Variants in KYAT3 observed in about 807,000 individuals in gnomAD.
KYAT3 encodes kynurenine--oxoglutarate transaminase 3.
In KYAT3, 50 loss-of-function variants were observed where a neutral mutation model predicts 59.0. The observed-to-expected ratio is 0.85, with a 90% CI of 0.68 to 1.07. The LOEUF is 1.07. Ranked by LOEUF, KYAT3 falls within the 50% of genes least tolerant of loss-of-function variation. The pLI is 0.00. For missense variants in KYAT3, 497 were observed against 533.3 expected (o/e 0.93, Z 0.67); for synonymous variants, 148 against 177.0 (o/e 0.84, Z 1.30).
intron 2 of KYAT3, chr1:88,984,201 TTGC>T: frequency 1.1e-5 from 2 of 175,906 alleles, no homozygotes; most frequent in Non-Finnish European, 2.3e-5. Context: ...CCTTTTTTTG[TTGC>T]TTTTTTTTTT....
At chr1:88,966,436 G>C (rs1676354399) in intron 4 of KYAT3, among the ~76,000 whole-genome samples, 1 of 151,988 alleles carries the variant, frequency 6.6e-6, no homozygotes, top group South Asian at 2.1e-4. Context: ...ACAGATCTTG[G>C]ATATATTTTA....
intron 2 of KYAT3, among the ~76,000 whole-genome samples, chr1:88,973,116 C>G (rs1676623843): frequency 6.6e-6 from 1 of 152,134 alleles, no homozygotes; most frequent in Non-Finnish European, 1.5e-5. Flanking sequence ...GATGAAGGCA[C>G]AGACTAAGGT....
chr1:88,941,149 C>T (rs1386587189), intron 13 of KYAT3, among the ~76,000 whole-genome samples: 2 of 152,216 alleles, frequency 1.3e-5, no homozygotes, highest in Non-Finnish European at 2.9e-5. Context: ...ACCACTATTT[C>T]TCAATCCAGT....
chr1:88,930,363 C>A, the KYAT3 span, among the ~76,000 whole-genome samples: 1 of 152,114 alleles, frequency 6.6e-6, no homozygotes. Flanking sequence ...TGTGCACTTG[C>A]GCAACTCTTA....
At position 88,961,301 on chromosome 1, in the gene KYAT3, A is replaced by C. The variant is rs766176872; in HGVS notation, c.667-14T>G. The C allele has an allele frequency of 1.9e-6, 3 of 1,613,702 alleles. No homozygotes were observed. Among genetic ancestry groups the C allele is most frequent in the Admixed American group, 1.7e-5 (1 of 60,020 alleles). On this transcript the variant is annotated splice_polypyrimidine_tract_variant and intron_variant, in intron 7 of 13. Coordinates refer to ENST00000260508, the MANE Select transcript of KYAT3 (RefSeq NM_001008661.3). ...TCTGTTATACACCTACACATAATAAAGGAAAGAGCACAGCCAATTATTCAA... is the reference window on the plus strand; with the variant it reads ...TCTGTTATACACCTACACATAATAACGGAAAGAGCACAGCCAATTATTCAA...
At chr1:88,964,711 T>C in intron 5 of KYAT3, 118 bp downstream of exon 5, 2 of 814,446 alleles carry the variant, frequency 2.5e-6, no homozygotes, top group South Asian at 3.2e-5. Context: ...ACATGCATTA[T>C]ACTTAAAACA....
downstream of KYAT3, among the ~76,000 whole-genome samples, chr1:88,931,365 C>G (rs1173633042): frequency 6.6e-6 from 1 of 152,202 alleles, no homozygotes; most frequent in Non-Finnish European, 1.5e-5. Flanking sequence ...AATGGAGCCC[C>G]AGATGCAATC....
chr1:88,985,791 CTTAGATACAAG>C (rs989674113), intron 2 of KYAT3, among the ~76,000 whole-genome samples: 1 of 152,146 alleles, frequency 6.6e-6, no homozygotes, highest in African/African-American at 2.4e-5. Context: ...GAAAGATTCT[CTTAGATACAAG>C]TAAGGATGAG....
Position 88,992,048 on chromosome 1 carries a change from G to C in KYAT3, c.-2+537C>G, listed in dbSNP as rs377054386. Among the ~76,000 whole-genome samples the C allele has an allele frequency of 3.1e-3, 456 of 148,070 alleles. 3 individuals carry two copies. The highest frequency in any genetic ancestry group is 0.011 in the African/African-American group (429 of 40,156). ...GGCTGGAGTGCAGTGGCCCGATCTC[G>C]GCTCACTGCAAGCTCCGCCTCCCGG... On this transcript the variant is annotated intron_variant, in intron 1 of 13. Transcript: ENST00000260508.
At chr1:88,962,238 T>G in intron 5 of KYAT3, 93 bp from the exon 6 acceptor site, 1 of 965,814 alleles carries the variant, frequency 1.0e-6, no homozygotes. Flanking sequence ...CTGTACTATG[T>G]GTTGGGATAC....
chr1:88,943,643 T>C (rs1675329225), intron 11 of KYAT3, among the ~76,000 whole-genome samples: 2 of 152,212 alleles, frequency 1.3e-5, no homozygotes, highest in South Asian at 4.1e-4. Context: ...AGTACTCACA[T>C]ATACATCAGG....
chr1:88,958,418 T>TAAA (rs34576826), intron 8 of KYAT3, among the ~76,000 whole-genome samples: 18 of 138,982 alleles, frequency 1.3e-4, no homozygotes, highest in Middle Eastern at 3.6e-3. Flanking sequence ...CTCATCTTTG[T>TAAA]AAAAAAAAAA....
intron 2 of KYAT3, chr1:88,982,538 A>T (rs1677144519): frequency 7.1e-6 from 10 of 1,400,090 alleles, no homozygotes; most frequent in Non-Finnish European, 9.6e-6. Context: ...CAGGGAATTT[A>T]AAAAAGGTAA....
chr1:88,968,871 T>C lies in KYAT3; in HGVS notation c.159-57A>G, dbSNP rs1448762576. ...GTTCTACAATTATAAAGTTCGCTTT[T>C]TTATATCTTATAGTCTTACCACAAA... is the stretch of plus-strand genomic sequence containing the variant. On this transcript the variant is annotated intron_variant, in intron 3 of 13. Coordinates refer to ENST00000260508, the MANE Select transcript of KYAT3 (RefSeq NM_001008661.3). 3.0e-6 allele frequency: 4 copies of C among 1,331,278 alleles called. No homozygotes were observed. In the African/African-American group the frequency reaches 4.6e-5, roughly 15 times the overall value. 82.5% of individuals were successfully genotyped at this position (1,331,278 alleles called of 1,614,324 possible). A position where few individuals can be genotyped will look rare whatever the true frequency, so the allele number is the denominator to read the frequency against.
In KYAT3 at chr1:88,936,106, C is replaced by T. The variant is rs1043907810; in HGVS notation, c.*77G>A. Reference sequence around the variant, plus strand: ...CCAGTTGTACTGAAATACCTTTTAACATCCAGCAGGTGGCAGCACTAAGTA... The same window carrying T: ...CCAGTTGTACTGAAATACCTTTTAATATCCAGCAGGTGGCAGCACTAAGTA... On this transcript the variant is annotated 3_prime_UTR_variant, in exon 14 of 14. Transcript: ENST00000260508. 24 of 929,958 alleles carry T rather than the reference C, an allele frequency of 2.6e-5. No homozygotes were observed. Among genetic ancestry groups the T allele is most frequent in the Non-Finnish European group, 4.1e-5 (24 of 592,348 alleles). The allele number at this position is 929,958 out of a possible 1,614,324, so 57.6% of individuals were successfully genotyped here.
At chr1:88,991,267 AAAGC>A (rs1356607000) in intron 1 of KYAT3, among the ~76,000 whole-genome samples, 1 of 152,244 alleles carries the variant, frequency 6.6e-6, no homozygotes, top group Non-Finnish European at 1.5e-5. Flanking sequence ...TAAGAAACTT[AAAGC>A]TCTAGACTTA....
chr1:88,956,000 C>T (rs1456240468), intron 8 of KYAT3, among the ~76,000 whole-genome samples: 2 of 152,156 alleles, frequency 1.3e-5, no homozygotes, highest in Non-Finnish European at 2.9e-5. Flanking sequence ...AATTTCAGAA[C>T]ACTTTTTTTA....
intron 2 of KYAT3, among the ~76,000 whole-genome samples, chr1:88,970,075 A>T (rs1676494874): frequency 6.6e-6 from 1 of 152,224 alleles, no homozygotes; most frequent in Non-Finnish European, 1.5e-5. Flanking sequence ...TAAAGAGAAC[A>T]ATAATAATAT....
chr1:88,943,122 A>G (rs887011626), intron 12 of KYAT3, 31 bp from the exon 13 acceptor site: 1 of 1,479,706 alleles, frequency 6.8e-7, no homozygotes, highest in Middle Eastern at 1.7e-4. Context: ...TATAATAAGA[A>G]AACTACTTAC....
Sources: allele counts gnomAD v4.1 joint callset (sites outside exome capture counted in the v4.1 genomes callset), GRCh38; gene constraint gnomAD v4.1.1; transcripts MANE v1.5; gene names NCBI Gene and HGNC (gene_info 2026-07-23, HGNC 2026-07-21).